STK32A: variants seen among roughly 807,000 people sequenced by gnomAD.
The protein encoded by STK32A is serine/threonine-protein kinase 32A.
A neutral mutation model predicts 53.2 loss-of-function variants in STK32A; 41 were observed. That is an observed-to-expected ratio of 0.77 (90% CI 0.60 to 1.00). The LOEUF is 1.00. Among genes scored for constraint, STK32A ranks in the 50% least tolerant of loss-of-function variants. The pLI is 0.00. For missense variants in STK32A, 458 were observed against 485.8 expected (o/e 0.94, Z 0.54); for synonymous variants, 166 against 162.8 (o/e 1.02, Z -0.15).
At chr5:147,271,471 A>G (rs1397584098) in intron 2 of STK32A, among the ~76,000 whole-genome samples, 1 of 152,220 alleles carries the variant, frequency 6.6e-6, no homozygotes, top group Non-Finnish European at 1.5e-5. Flanking sequence ...AAAGAACAAG[A>G]TAACAGCAAT....
intron 5 of STK32A, among the ~76,000 whole-genome samples, chr5:147,325,075 A>G (rs557002000): frequency 6.6e-6 from 1 of 152,194 alleles, no homozygotes; most frequent in Non-Finnish European, 1.5e-5. Flanking sequence ...TCTGACCTCA[A>G]AGTCAGAATT....
intron 2 of STK32A, among the ~76,000 whole-genome samples, chr5:147,272,143 C>T (rs1755065951): frequency 6.6e-6 from 1 of 152,126 alleles, no homozygotes; most frequent in Admixed American, 6.6e-5. Flanking sequence ...AGAAAAGAAC[C>T]TACGTGACTA....
intron 7 of STK32A, among the ~76,000 whole-genome samples, chr5:147,360,020 T>C (rs1756423331): frequency 6.6e-6 from 1 of 152,172 alleles, no homozygotes; most frequent in Non-Finnish European, 1.5e-5. Flanking sequence ...ACCATACAAA[T>C]CTTTCAACTA....
chr5:147,281,325 G>T (rs557151166), intron 4 of STK32A, among the ~76,000 whole-genome samples: 2 of 152,076 alleles, frequency 1.3e-5, no homozygotes, highest in African/African-American at 2.4e-5. Context: ...ACCAGAGAAA[G>T]GTGAAGCTCA....
intron 5 of STK32A, among the ~76,000 whole-genome samples, chr5:147,341,611 G>A (rs1755414200): frequency 6.6e-6 from 1 of 152,080 alleles, no homozygotes; most frequent in South Asian, 2.1e-4. Flanking sequence ...CCTCCTGAGT[G>A]GCTGGGACTA....
At chr5:147,349,832 C>G (rs1453043397) in intron 6 of STK32A, among the ~76,000 whole-genome samples, 1 of 152,216 alleles carries the variant, frequency 6.6e-6, no homozygotes, top group East Asian at 1.9e-4. Context: ...AGTTGACTGG[C>G]CGGGCGCAGT....
intron 7 of STK32A, among the ~76,000 whole-genome samples, chr5:147,353,369 T>C (rs1461297790): frequency 6.6e-6 from 1 of 152,156 alleles, no homozygotes; most frequent in Non-Finnish European, 1.5e-5. Context: ...TAAAACTTAT[T>C]AGGCAACAGA....
intron 4 of STK32A, among the ~76,000 whole-genome samples, chr5:147,280,541 C>T (rs988888906): frequency 6.6e-6 from 1 of 151,888 alleles, no homozygotes; most frequent in African/African-American, 2.4e-5. Flanking sequence ...TGACAATCTG[C>T]ATGTTTCTGC....
chr5:147,394,112 C>G, the STK32A span: 1 of 1,614,108 alleles, frequency 6.2e-7, no homozygotes, highest in Non-Finnish European at 8.5e-7. Context: ...ACCCCCTCAT[C>G]CACTTGGGTG....
chr5:147,255,895 T>A (rs554441208), intron 2 of STK32A, among the ~76,000 whole-genome samples: 10 of 152,328 alleles, frequency 6.6e-5, no homozygotes, highest in African/African-American at 2.2e-4. Flanking sequence ...GATCTGGTAT[T>A]CCTCATGGGA....
the STK32A span, chr5:147,397,871 C>A: frequency 6.6e-7 from 1 of 1,514,110 alleles, no homozygotes; most frequent in South Asian, 1.2e-5. Context: ...AGAAGCAAAG[C>A]CACAGTAAGG....
chr5:147,399,348 G>C, the STK32A span: 1 of 1,392,796 alleles, frequency 7.2e-7, no homozygotes, highest in African/African-American at 1.5e-5. Flanking sequence ...CAAAGGCATA[G>C]AAATACAAAA....
At chr5:147,248,495 C>G (rs1753846450) in intron 2 of STK32A, among the ~76,000 whole-genome samples, 1 of 152,132 alleles carries the variant, frequency 6.6e-6, no homozygotes, top group African/African-American at 2.4e-5. Context: ...TGGTTACAAC[C>G]TGTAACGCAT....
At chr5:147,261,583 C>T (rs574670454) in intron 2 of STK32A, among the ~76,000 whole-genome samples, 6 of 152,014 alleles carry the variant, frequency 3.9e-5, no homozygotes, top group East Asian at 1.9e-4. Flanking sequence ...GGTTGCTTTA[C>T]GAGGAAGTTA....
chr5:147,357,638 C>T (rs1355737178), intron 7 of STK32A, among the ~76,000 whole-genome samples: 1 of 151,948 alleles, frequency 6.6e-6, no homozygotes, highest in Non-Finnish European at 1.5e-5. Context: ...CATCTTTTTA[C>T]TTTGCTTTCT....
intron 4 of STK32A, among the ~76,000 whole-genome samples, chr5:147,289,797 T>C (rs746827654): frequency 6.6e-6 from 1 of 152,170 alleles, no homozygotes; most frequent in South Asian, 2.1e-4. Context: ...TGTTGGTGTA[T>C]GCTTTTCAGT....
At chr5:147,301,985 GC>G (rs1207712651) in intron 4 of STK32A, among the ~76,000 whole-genome samples, 2 of 151,944 alleles carry the variant, frequency 1.3e-5, no homozygotes, top group Non-Finnish European at 2.9e-5. Context: ...ATCTTTTAAG[GC>G]CCCTTGTGAT....
chr5:147,375,003 A>G, intron 10 of STK32A, 87 bp from the exon 11 acceptor site: 1 of 1,268,538 alleles, frequency 7.9e-7, no homozygotes, highest in Non-Finnish European at 1.1e-6. Context: ...CTCCGTTAAG[A>G]CTAAGTATTA....
intron 2 of STK32A, among the ~76,000 whole-genome samples, chr5:147,262,030 G>A (rs1267270120): frequency 1.3e-5 from 2 of 152,176 alleles, no homozygotes; most frequent in Non-Finnish European, 2.9e-5. Flanking sequence ...GAGAGTGACC[G>A]ATGCTGTACA....
Sources: allele counts gnomAD v4.1 joint callset (sites outside exome capture counted in the v4.1 genomes callset), GRCh38; gene constraint gnomAD v4.1.1; transcripts MANE v1.5; gene names NCBI Gene and HGNC (gene_info 2026-07-23, HGNC 2026-07-21).